Variants in CFAP221 observed in about 807,000 individuals in gnomAD.
The protein encoded by CFAP221 is cilia and flagella associated protein 221, also known as cilia- and flagella-associated protein 221.
Under a neutral mutation model 113.1 loss-of-function variants are expected in CFAP221, and 97 were observed. That is an observed-to-expected ratio of 0.86 (90% CI 0.73 to 1.02). The LOEUF (loss-of-function observed/expected upper bound fraction) is 1.02. Ranked by LOEUF, CFAP221 falls within the 50% of genes least tolerant of loss-of-function variation. The pLI is 0.00. For missense variants in CFAP221, 1,025 were observed against 1,013.4 expected, an observed-to-expected ratio of 1.01 and a Z score of -0.16; for synonymous variants, 331 against 354.4, an observed-to-expected ratio of 0.93 and a Z score of 0.74.
rs1452233915 is a variant in CFAP221, at chr2:119,545,003, A to G, written c.-48+493A>G. ...AAGGGAAGCAGGTGAGGAGGGGGCC[A>G]TGCAGCCTTCAGCGATGCTATGAGA... On this transcript the variant is annotated intron_variant, in intron 1 of 23. Coordinates refer to ENST00000413369, the MANE Select transcript of CFAP221 (RefSeq NM_001271049.2). The G allele has an allele frequency of 4.7e-5, 7 of 149,186 alleles. No individual in the cohort carries two copies. The East Asian group carries it at 1.0e-3, about 22-fold the overall frequency. The allele number at this position is 149,186 out of a possible 1,614,324, so 9.2% of individuals were successfully genotyped here.
intron 21 of CFAP221, among the ~76,000 whole-genome samples, chr2:119,640,611 C>T (rs1013261531): frequency 6.6e-6 from 1 of 152,208 alleles, no homozygotes; most frequent in Non-Finnish European, 1.5e-5. Context: ...ACAGATGTGA[C>T]TGGTGTCCCA....
chr2:119,606,425 G>A (rs564716980), intron 11 of CFAP221, among the ~76,000 whole-genome samples: 7 of 152,142 alleles, frequency 4.6e-5, no homozygotes, highest in East Asian at 1.9e-4. Context: ...CTCTGAAGGT[G>A]CCCACCGGGC....
rs151183962 is a variant in CFAP221 at position 119,645,713 on chromosome 2, C to T, written c.2226-1245C>T. Among the ~76,000 whole-genome samples the T allele has an allele frequency of 3.6e-3, 555 of 152,280 alleles. 3 individuals are homozygous for T. The highest frequency in any genetic ancestry group is 9.3e-3 in the Admixed American group (143 of 15,300). On this transcript the variant is annotated intron_variant, in intron 21 of 23. Coordinates refer to ENST00000413369, the MANE Select transcript of CFAP221 (RefSeq NM_001271049.2). ...CAAAGGAGCCATCAATTAATCCCTG[C>T]TTTCCATTGCTGCCTCCTGCCCTAC... is the stretch of plus-strand genomic sequence containing the variant.
At chr2:119,577,117 T>C (rs2104586179) in intron 6 of CFAP221, among the ~76,000 whole-genome samples, 1 of 152,342 alleles carries the variant, frequency 6.6e-6, no homozygotes, top group East Asian at 1.9e-4. Flanking sequence ...GACTGAGAAT[T>C]GTGAGATCAG....
At chr2:119,639,575 G>T (rs976615662) in intron 20 of CFAP221, among the ~76,000 whole-genome samples, 3 of 152,182 alleles carry the variant, frequency 2.0e-5, no homozygotes, top group African/African-American at 2.4e-5. Context: ...AGCAAACCTC[G>T]CCTTTGTCTC....
chr2:119,656,524 CCTTGCGTCCATTT>C lies in CFAP221; in HGVS notation c.*55_*67del. On this transcript the variant is annotated 3_prime_UTR_variant, in exon 24 of 24. Coordinates refer to ENST00000413369, the MANE Select transcript of CFAP221 (RefSeq NM_001271049.2). ...TTGCTTTCCGTGGGCCACTGTGGCC[CCTTGCGTCCATTT>C]ACATGCCAGCCATCTCTGCAATTAA... 1 of 1,276,868 alleles carries C rather than the reference CCTTGCGTCCATTT, an allele frequency of 7.8e-7. No homozygotes were observed. The highest frequency in any genetic ancestry group is 1.1e-6 in the Non-Finnish European group (1 of 886,378). 79.1% of individuals were successfully genotyped at this position (1,276,868 alleles called of 1,614,324 possible).
chr2:119,553,903 A>T (rs2587710), intron 3 of CFAP221, among the ~76,000 whole-genome samples: 84,303 of 152,002 alleles, frequency 0.55, 23,778 homozygotes, highest in East Asian at 0.73. Flanking sequence ...ACTCACTTTA[A>T]TGTAAGAGTT....
intron 18 of CFAP221, 21 bp from the exon 19 acceptor site, chr2:119,630,746 G>A: frequency 1.9e-6 from 3 of 1,608,466 alleles, no homozygotes; most frequent in Admixed American, 3.3e-5. Flanking sequence ...AAACTAACGT[G>A]CTGTCCTTGC....
intron 6 of CFAP221, among the ~76,000 whole-genome samples, chr2:119,575,350 C>T (rs1254232265): frequency 6.6e-6 from 1 of 152,180 alleles, no homozygotes. Flanking sequence ...CTCCCACCTC[C>T]AGTCGGCCCT....
At chr2:119,605,131 A>C in intron 10 of CFAP221, 50 bp from the exon 11 acceptor site, 1 of 1,536,748 alleles carries the variant, frequency 6.5e-7, no homozygotes, top group Non-Finnish European at 9.0e-7. Flanking sequence ...CTCTCCGCAC[A>C]TGATTTTAAT....
At chr2:119,621,223 C>CAA (rs77833812) in intron 14 of CFAP221, among the ~76,000 whole-genome samples, 85 of 96,538 alleles carry the variant, frequency 8.8e-4, no homozygotes, top group East Asian at 8.1e-3. Flanking sequence ...GAAACTGTGT[C>CAA]AAAAAAAAAA....
intron 5 of CFAP221, among the ~76,000 whole-genome samples, chr2:119,560,329 G>A (rs995343013): frequency 6.6e-6 from 1 of 152,170 alleles, no homozygotes; most frequent in Admixed American, 6.5e-5. Context: ...GGCAGTTGCC[G>A]AAGCCTTTTC....
At chr2:119,609,992 A>G (rs1685040234) in intron 12 of CFAP221, among the ~76,000 whole-genome samples, 1 of 152,216 alleles carries the variant, frequency 6.6e-6, no homozygotes, top group Admixed American at 6.5e-5. Flanking sequence ...TTAGATGTGC[A>G]TTTAAATTTA....
chr2:119,644,712 C>A (rs1212426396), intron 21 of CFAP221, among the ~76,000 whole-genome samples: 1 of 152,136 alleles, frequency 6.6e-6, no homozygotes, highest in African/African-American at 2.4e-5. Flanking sequence ...ATGCAACATA[C>A]ATATATATGT....
At chr2:119,586,854 T>G (rs985233638) in intron 6 of CFAP221, 1 of 317,506 alleles carries the variant, frequency 3.1e-6, no homozygotes, top group South Asian at 8.9e-5. Context: ...CCACTAACTA[T>G]GTCACCTTGT....
At chr2:119,622,877 TAAG>T (rs1431992789) in intron 14 of CFAP221, among the ~76,000 whole-genome samples, 2 of 152,116 alleles carry the variant, frequency 1.3e-5, no homozygotes, top group Non-Finnish European at 2.9e-5. Context: ...CTCAAAATAA[TAAG>T]AACTATTTAT....
At chr2:119,580,158 C>T (rs1255515860) in intron 6 of CFAP221, 1 of 152,128 alleles carries the variant, frequency 6.6e-6, no homozygotes. Flanking sequence ...ATTGCCTTAC[C>T]TTCATATATT....
intron 7 of CFAP221, among the ~76,000 whole-genome samples, chr2:119,597,667 A>G (rs775215066): frequency 6.6e-6 from 1 of 152,220 alleles, no homozygotes; most frequent in Non-Finnish European, 1.5e-5. Flanking sequence ...CCGAAAAACG[A>G]AAGCGTACTC....
intron 1 of CFAP221, among the ~76,000 whole-genome samples, chr2:119,544,838 C>T (rs2104992934): frequency 6.6e-6 from 1 of 152,102 alleles, no homozygotes; most frequent in East Asian, 1.9e-4. Flanking sequence ...CCAGGCCTAC[C>T]GGGGCGGTGG....
Sources: gnomAD v4.1 joint callset for allele counts (sites outside exome capture counted in the v4.1 genomes callset) on GRCh38, gnomAD v4.1.1 for gene constraint, MANE v1.5 for transcripts, NCBI Gene and HGNC (gene_info 2026-07-23, HGNC 2026-07-21) for gene names.